Variants in DPY19L3 observed in about 807,000 individuals in gnomAD.
DPY19L3 encodes the protein dpy-19 like C-mannosyltransferase 3, also known as protein C-mannosyl-transferase DPY19L3.
Under a neutral mutation model 92.3 loss-of-function variants are expected in DPY19L3, and 51 were observed. That is an observed-to-expected ratio of 0.55 (90% CI 0.44 to 0.70). The LOEUF (loss-of-function observed/expected upper bound fraction) is 0.70, where lower values mean the gene tolerates loss of function less well. DPY19L3 is among the 30% of genes least tolerant of loss of function. The pLI is 0.00. For missense variants in DPY19L3, 706 were observed against 855.9 expected, an observed-to-expected ratio of 0.82 and a Z score of 2.18; for synonymous variants, 309 against 315.2, an observed-to-expected ratio of 0.98 and a Z score of 0.21.
intron 9 of DPY19L3, 91 bp from the exon 10 acceptor site, chr19:32,454,848 G>A (rs922105352): frequency 5.7e-5 from 46 of 801,672 alleles, no homozygotes; most frequent in Non-Finnish European, 1.2e-5. Context: ...ATATGAGCCA[G>A]TGTTTTTAAA....
At chr19:32,464,594 C>T in intron 14 of DPY19L3, 134 bp from the exon 15 acceptor site, 1 of 512,192 alleles carries the variant, frequency 2.0e-6, no homozygotes. Context: ...CCTAGCTGCT[C>T]AGGAGGCTGA....
At chr19:32,407,315 G>A (rs1390647903) in intron 1 of DPY19L3, among the ~76,000 whole-genome samples, 1 of 121,428 alleles carries the variant, frequency 8.2e-6, no homozygotes, top group African/African-American at 3.2e-5. Context: ...CAGCTGCCCT[G>A]ATTGGCACAC....
intron 16 of DPY19L3, among the ~76,000 whole-genome samples, chr19:32,470,781 C>CTTTTTTTTTTT (rs71336911): frequency 1.8e-3 from 162 of 91,166 alleles, no homozygotes; most frequent in African/African-American, 2.0e-3. Flanking sequence ...ATTCCTTTGG[C>CTTTTTTTTTTT]TTTTTTTTTT....
chr19:32,474,653 C>T (rs1250452618), intron 16 of DPY19L3, among the ~76,000 whole-genome samples: 3 of 152,064 alleles, frequency 2.0e-5, no homozygotes, highest in Non-Finnish European at 2.9e-5. Context: ...TGCAGTGGCA[C>T]GATCTTGGCT....
At chr19:32,441,269 G>A (rs1433305722) in intron 8 of DPY19L3, among the ~76,000 whole-genome samples, 1 of 152,112 alleles carries the variant, frequency 6.6e-6, no homozygotes, top group Non-Finnish European at 1.5e-5. Flanking sequence ...TGAGCCAATA[G>A]CAATAGGGTA....
chr19:32,420,020 C>A (rs1034689175), intron 3 of DPY19L3, among the ~76,000 whole-genome samples: 1 of 151,792 alleles, frequency 6.6e-6, no homozygotes, highest in African/African-American at 2.4e-5. Context: ...CCACCACGCC[C>A]GGCTAATTTT....
intron 3 of DPY19L3, among the ~76,000 whole-genome samples, chr19:32,423,422 G>GTTTTTTTT (rs1599601418): frequency 1.3e-3 from 62 of 48,480 alleles, no homozygotes; most frequent in Non-Finnish European, 1.5e-3. Context: ...TTTTTTTTTG[G>GTTTTTTTT]TATTTTTAGT....
intron 17 of DPY19L3, among the ~76,000 whole-genome samples, chr19:32,478,253 A>G (rs1450798758): frequency 6.6e-6 from 1 of 152,176 alleles, no homozygotes; most frequent in Admixed American, 6.5e-5. Flanking sequence ...CTGCCTGCCC[A>G]TATCCACTAA....
chr19:32,406,767 G>A (rs1967969263), intron 1 of DPY19L3, among the ~76,000 whole-genome samples: 2 of 152,166 alleles, frequency 1.3e-5, no homozygotes, highest in Non-Finnish European at 1.5e-5. Flanking sequence ...CTGTTGCAGT[G>A]CCTGACACAT....
chr19:32,468,596 A>G, intron 15 of DPY19L3, 135 bp from the exon 16 acceptor site: 1 of 1,365,102 alleles, frequency 7.3e-7, no homozygotes, highest in South Asian at 1.9e-5. Context: ...GAGGTGAAAT[A>G]GTTGTATATT....
chr19:32,405,976 A>C (rs900156352), intron 1 of DPY19L3, 67 bp downstream of exon 1: 1 of 150,174 alleles, frequency 6.7e-6, no homozygotes, highest in Admixed American at 6.6e-5. Context: ...CGCCGGCGGA[A>C]CCCTCGGCTA....
At chr19:32,480,328 T>C in intron 17 of DPY19L3, 71 bp from the exon 18 acceptor site, 1 of 1,525,110 alleles carries the variant, frequency 6.6e-7, no homozygotes, top group East Asian at 2.3e-5. Flanking sequence ...CTGTGGAAGG[T>C]TACATCACAT....
Position 32,439,253 on chromosome 19 carries a change from T to C in DPY19L3, c.720+18T>C. 1 of 1,603,732 alleles carries C rather than the reference T, an allele frequency of 6.2e-7. No homozygotes were observed. The highest frequency in any genetic ancestry group is 2.2e-5 in the East Asian group (1 of 44,806). ...TTTCTGAAGTAAGTGTTTATAAAAT[T>C]TCATATATTTTAATCCCCCAATTTT... On this transcript the variant is annotated intron_variant, in intron 7 of 18. Coordinates refer to ENST00000392250, the MANE Select transcript of DPY19L3 (RefSeq NM_001172774.2).
rs187358975 is a variant in DPY19L3 at position 32,483,984 on chromosome 19, C to G, written c.*1744C>G. On this transcript the variant is annotated 3_prime_UTR_variant, in exon 19 of 19. Coordinates refer to ENST00000392250, the MANE Select transcript of DPY19L3 (RefSeq NM_001172774.2). ...TCTGTGATTTTGTTTTCAAAATCCT[C>G]TGTTATGGCTATATTTAAATTTATT... is the stretch of plus-strand genomic sequence containing the variant. The G allele has an allele frequency of 1.0e-4, 16 of 152,494 alleles. No homozygotes were observed. Among genetic ancestry groups the G allele is most frequent in the Non-Finnish European group, 2.1e-4 (14 of 68,020 alleles). 9.4% of individuals were successfully genotyped at this position (152,494 alleles called of 1,614,324 possible). A position where few individuals can be genotyped will look rare whatever the true frequency, so the allele number is the denominator to read the frequency against.
At chr19:32,478,203 A>T (rs1599681308) in intron 17 of DPY19L3, among the ~76,000 whole-genome samples, 1 of 152,264 alleles carries the variant, frequency 6.6e-6, no homozygotes, top group East Asian at 1.9e-4. Context: ...TCCACTAAGG[A>T]CGTGCCATTA....
intron 3 of DPY19L3, 166 bp downstream of exon 3, chr19:32,411,538 CATATT>C (rs1342332464): frequency 5.7e-5 from 29 of 508,504 alleles, no homozygotes; most frequent in Middle Eastern, 5.1e-4. Flanking sequence ...TTTAAAATAA[CATATT>C]AGAATCTTTT....
At chr19:32,455,994 A>G (rs962233962) in intron 10 of DPY19L3, among the ~76,000 whole-genome samples, 2 of 152,080 alleles carry the variant, frequency 1.3e-5, no homozygotes, top group African/African-American at 4.8e-5. Flanking sequence ...CTTCTCCACA[A>G]GAGAACTGTG....
chr19:32,432,356 A>G (rs7249864), intron 3 of DPY19L3, among the ~76,000 whole-genome samples: 59,657 of 152,016 alleles, frequency 0.39, 13,719 homozygotes, highest in Non-Finnish European at 0.53. Flanking sequence ...GATTGATCTT[A>G]TGTAATATTG....
At chr19:32,446,976 A>G (rs769082716) in intron 8 of DPY19L3, among the ~76,000 whole-genome samples, 5 of 152,198 alleles carry the variant, frequency 3.3e-5, no homozygotes, top group African/African-American at 4.8e-5. Flanking sequence ...AACAACGACA[A>G]ACATAAAAGA....
Sources: gnomAD v4.1 joint callset for allele counts (sites outside exome capture counted in the v4.1 genomes callset) on GRCh38, gnomAD v4.1.1 for gene constraint, MANE v1.5 for transcripts, NCBI Gene and HGNC (gene_info 2026-07-23, HGNC 2026-07-21) for gene names.